IFT80: variants seen among roughly 807,000 people sequenced by gnomAD.
The protein encoded by IFT80 is intraflagellar transport 80, also known as intraflagellar transport protein 80 homolog.
A neutral mutation model predicts 107.9 loss-of-function variants in IFT80; 79 were observed. That is an observed-to-expected ratio of 0.73 (90% confidence interval 0.61 to 0.88). The LOEUF (loss-of-function observed/expected upper bound fraction) is 0.88. Among genes scored for constraint, IFT80 ranks in the 40% least tolerant of loss-of-function variants. The probability of loss-of-function intolerance (pLI) is 0.00; values close to 1 mark genes in which losing one functional copy is unlikely to be tolerated. For synonymous variants in IFT80, 299 were observed against 300.9 expected (o/e 0.99, Z 0.07); for missense variants, 797 against 914.2 (o/e 0.87, Z 1.65).
chr3:160,376,782 G>A (rs1712058039), intron 4 of IFT80, among the ~76,000 whole-genome samples: 1 of 152,174 alleles, frequency 6.6e-6, no homozygotes, highest in Admixed American at 6.5e-5. Flanking sequence ...ATGCCCATGT[G>A]GCAAGGAATT....
At chr3:160,280,099 T>G (rs953660105) in intron 15 of IFT80, among the ~76,000 whole-genome samples, 1 of 152,222 alleles carries the variant, frequency 6.6e-6, no homozygotes, top group East Asian at 1.9e-4. Context: ...AGCTAAGGTC[T>G]AGAATTAAGA....
At chr3:160,360,365 C>A (rs1235213913) in intron 6 of IFT80, among the ~76,000 whole-genome samples, 1 of 152,012 alleles carries the variant, frequency 6.6e-6, no homozygotes, top group East Asian at 1.9e-4. Flanking sequence ...GTGAAAAGAC[C>A]AAATCTACAT....
intron 3 of IFT80, among the ~76,000 whole-genome samples, chr3:160,379,067 C>T (rs1485734063): frequency 2.0e-5 from 3 of 152,106 alleles, no homozygotes; most frequent in African/African-American, 4.8e-5. Flanking sequence ...TGAACATGAA[C>T]TTATTAACTT....
chr3:160,350,571 C>G (rs758269298), intron 8 of IFT80, among the ~76,000 whole-genome samples: 31 of 152,138 alleles, frequency 2.0e-4, no homozygotes, highest in Non-Finnish European at 3.7e-4. Flanking sequence ...AATCTCAGCA[C>G]TTCGGGAGGC....
At position 160,289,433 on chromosome 3, in the gene IFT80, C is replaced by T. The variant is rs11929110; in HGVS notation, c.1316-3565G>A. Among the ~76,000 whole-genome samples, 261 of 152,294 alleles carry T rather than the reference C, an allele frequency of 1.7e-3. 1 individual carries two copies. Among genetic ancestry groups the T allele is most frequent in the African/African-American group, 5.8e-3 (241 of 41,552 alleles). On this transcript the variant is annotated intron_variant, in intron 12 of 19. Coordinates refer to ENST00000326448, the MANE Select transcript of IFT80 (RefSeq NM_020800.3). ...AGTTTACCTATGTAACAAACCTGCA[C>T]ATGTACCCTGAACCTAAAACAAAAG... is the stretch of plus-strand genomic sequence containing the variant.
intron 1 of IFT80, among the ~76,000 whole-genome samples, chr3:160,389,232 ACC>A (rs1327937834): frequency 6.6e-6 from 1 of 152,184 alleles, no homozygotes; most frequent in Non-Finnish European, 1.5e-5. Flanking sequence ...GGGGATAATT[ACC>A]CTTTTTCTAA....
intron 12 of IFT80, among the ~76,000 whole-genome samples, chr3:160,294,100 G>A (rs910258006): frequency 6.6e-6 from 1 of 152,128 alleles, no homozygotes; most frequent in African/African-American, 2.4e-5. Context: ...GGGGCTGATG[G>A]GGTCCCCAAA....
At chr3:160,386,263 CAT>C (rs1252257520) in intron 1 of IFT80, among the ~76,000 whole-genome samples, 5 of 152,166 alleles carry the variant, frequency 3.3e-5, no homozygotes, top group Non-Finnish European at 7.3e-5. Flanking sequence ...GTATGAATGA[CAT>C]GTGTACTTTC....
Position 160,277,660 on chromosome 3 carries a change from A to G in IFT80, c.1847T>C (p.Met616Thr), listed in dbSNP as rs1469008168. The change falls in exon 17 of 20, where the codon ATG (methionine) becomes ACG (threonine). Residue 616 changes from methionine (M) to threonine (T), a missense_variant. Met to Thr is a moderately conservative substitution (Grantham distance 81). Transcript: ENST00000326448. ...RLCRFVKEQT[M>T]WACLAAMAVA... ...TGCCATAGCAGCTAGACAAGCCCAC[A>G]TGGTTTGCTCCTAAAGTAAAGTATG... The G allele has an allele frequency of 4.3e-6, 7 of 1,612,676 alleles. No homozygotes were observed. The highest frequency in any genetic ancestry group is 1.7e-5 in the Admixed American group (1 of 59,952).
chr3:160,360,175 C>A (rs1721390047), intron 6 of IFT80, among the ~76,000 whole-genome samples: 1 of 152,164 alleles, frequency 6.6e-6, no homozygotes, highest in Non-Finnish European at 1.5e-5. Context: ...CCTGATGGAA[C>A]TGAAAACCAT....
At chr3:160,360,102 C>A (rs1285990258) in intron 6 of IFT80, among the ~76,000 whole-genome samples, 1 of 152,068 alleles carries the variant, frequency 6.6e-6, no homozygotes, top group African/African-American at 2.4e-5. Flanking sequence ...AAGCTAAAAA[C>A]CTTGAAAAAA....
intron 15 of IFT80, among the ~76,000 whole-genome samples, chr3:160,280,225 A>C (rs1714579638): frequency 6.6e-6 from 1 of 152,206 alleles, no homozygotes; most frequent in Non-Finnish European, 1.5e-5. Flanking sequence ...AAATTTCAGT[A>C]ACTTTGGTCT....
intron 1 of IFT80, among the ~76,000 whole-genome samples, chr3:160,398,466 G>A (rs1413747007): frequency 1.3e-5 from 2 of 152,210 alleles, no homozygotes; most frequent in Non-Finnish European, 2.9e-5. Flanking sequence ...GAATACTGGA[G>A]ATAGTCAAAT....
chr3:160,295,413 C>T (rs1158072806), intron 12 of IFT80, among the ~76,000 whole-genome samples: 3 of 151,794 alleles, frequency 2.0e-5, no homozygotes, highest in African/African-American at 4.8e-5. Flanking sequence ...GAGACCAGCC[C>T]GGGCAACATA....
rs147552739 is a variant in IFT80 at position 160,315,987 on chromosome 3, G to T, written c.957+3773C>A. Reference sequence around the variant, plus strand: ...TGTAAGGTGACTCCCAATGATCCCTGCCTCCTGGTATTCAAACCCTTGTGC... The same window carrying T: ...TGTAAGGTGACTCCCAATGATCCCTTCCTCCTGGTATTCAAACCCTTGTGC... On this transcript the variant is annotated intron_variant, in intron 9 of 19. Transcript: ENST00000326448. Among the ~76,000 whole-genome samples the T allele has an allele frequency of 9.1e-3, 1,386 of 152,216 alleles. 26 individuals are homozygous for T. The highest frequency in any genetic ancestry group is 0.032 in the African/African-American group (1,337 of 41,534).
At chr3:160,388,083 C>T (rs955310945) in intron 1 of IFT80, among the ~76,000 whole-genome samples, 1 of 151,942 alleles carries the variant, frequency 6.6e-6, no homozygotes, top group Admixed American at 6.6e-5. Context: ...AAGATAATGA[C>T]AAGAATAGTA....
chr3:160,296,087 C>T (rs1284197863), intron 12 of IFT80, among the ~76,000 whole-genome samples: 1 of 152,038 alleles, frequency 6.6e-6, no homozygotes, highest in East Asian at 1.9e-4. Context: ...AACATTGTAC[C>T]TATATTGTAT....
At chr3:160,264,822 A>G (rs1220797618) in intron 19 of IFT80, among the ~76,000 whole-genome samples, 1 of 152,080 alleles carries the variant, frequency 6.6e-6, no homozygotes, top group African/African-American at 2.4e-5. Context: ...ATGAAACCCT[A>G]AAGTCAATCC....
intron 11 of IFT80, among the ~76,000 whole-genome samples, chr3:160,303,191 C>T (rs1192608605): frequency 6.6e-6 from 1 of 152,118 alleles, no homozygotes; most frequent in East Asian, 1.9e-4. Context: ...TTTTAGGTAA[C>T]TGTCAATTAT....
Sources: allele counts gnomAD v4.1 joint callset (sites outside exome capture counted in the v4.1 genomes callset), GRCh38; gene constraint gnomAD v4.1.1; transcripts MANE v1.5; gene names NCBI Gene and HGNC (gene_info 2026-07-23, HGNC 2026-07-21).